CPD: variants seen among roughly 807,000 people sequenced by gnomAD.
CPD encodes carboxypeptidase D, also known as metallocarboxypeptidase D.
CPD carries 69 observed loss-of-function variants against 138.3 expected under a neutral mutation model. That is an observed-to-expected ratio of 0.50 (90% CI 0.41 to 0.61). The LOEUF (loss-of-function observed/expected upper bound fraction) is 0.61, where lower values mean the gene tolerates loss of function less well. Ranked by LOEUF, CPD falls within the 20% of genes least tolerant of loss-of-function variation. CPD has a pLI of 0.00. For synonymous variants in CPD, 651 were observed against 642.1 expected (o/e 1.01, Z -0.21); for missense variants, 1,432 against 1,733.3 (o/e 0.83, Z 3.09).
At chr17:30,437,809 T>C (rs1282595328) in intron 8 of CPD, among the ~76,000 whole-genome samples, 2 of 152,094 alleles carry the variant, frequency 1.3e-5, no homozygotes, top group African/African-American at 4.8e-5. Flanking sequence ...ATAATTGGCA[T>C]ATTAAGTTTC....
At chr17:30,433,327 C>T (rs150931517) in intron 8 of CPD, among the ~76,000 whole-genome samples, 33 of 152,318 alleles carry the variant, frequency 2.2e-4, no homozygotes, top group Middle Eastern at 3.4e-3. Flanking sequence ...ATTTTCTCAT[C>T]ACATTCTATG....
chr17:30,462,363 CT>C lies in CPD; in HGVS notation c.3817-5del. 6.2e-7 allele frequency: 1 copy of C among 1,608,312 alleles called. No individual in the cohort carries two copies. Among genetic ancestry groups the C allele is most frequent in the Non-Finnish European group, 8.5e-7 (1 of 1,175,202 alleles). On this transcript the variant is annotated splice_polypyrimidine_tract_variant and splice_region_variant and intron_variant, in intron 19 of 20. Transcript: ENST00000225719. ...TTTGTCATGATTCTTACACTTTCTC[CT>C]TCTAGGTCTTTGTGCATCATGATGC...
chr17:30,438,671 A>G (rs1912768431), intron 8 of CPD, among the ~76,000 whole-genome samples: 1 of 152,140 alleles, frequency 6.6e-6, no homozygotes, highest in Admixed American at 6.6e-5. Context: ...TTTTTTTTAG[A>G]GAGGGGTTCA....
At position 30,405,587 on chromosome 17, in the gene CPD, A is replaced by G. The variant is rs193091065; in HGVS notation, c.995-15254A>G. On this transcript the variant is annotated intron_variant, in intron 2 of 20. Coordinates refer to ENST00000225719, the MANE Select transcript of CPD (RefSeq NM_001304.5). ...CCCATTGGTTTTAAATACCTTGATCATATTCCAAATGCTTTTGTTTCAGTT... is the reference window on the plus strand; with the variant it reads ...CCCATTGGTTTTAAATACCTTGATCGTATTCCAAATGCTTTTGTTTCAGTT... Among the ~76,000 whole-genome samples the G allele has an allele frequency of 2.5e-3, 378 of 152,216 alleles. 2 individuals are homozygous for G. The highest frequency in any genetic ancestry group is 8.7e-3 in the African/African-American group (363 of 41,552).
chr17:30,405,503 T>C (rs1911780339), intron 2 of CPD, among the ~76,000 whole-genome samples: 1 of 152,200 alleles, frequency 6.6e-6, no homozygotes, highest in South Asian at 2.1e-4. Context: ...CAGTATTTTT[T>C]GCCACCTAGT....
At chr17:30,447,674 T>G (rs1321825615) in intron 12 of CPD, 1 of 152,180 alleles carries the variant, frequency 6.6e-6, no homozygotes, top group Non-Finnish European at 1.5e-5. Flanking sequence ...GTTGCTGTCC[T>G]AATTCTAGTC....
At chr17:30,428,001 GAACTTGGTAACATAT>G (rs1189169404) in intron 7 of CPD, among the ~76,000 whole-genome samples, 3 of 151,198 alleles carry the variant, frequency 2.0e-5, no homozygotes, top group Admixed American at 6.6e-5. Context: ...CTCACATTGG[GAACTTGGTAACATAT>G]TCTTTGTCAT....
chr17:30,410,950 C>CATGA (rs141168305), intron 2 of CPD, among the ~76,000 whole-genome samples: 74,175 of 151,558 alleles, frequency 0.49, 18,586 homozygotes, highest in East Asian at 0.83. Flanking sequence ...TTCTTCACAG[C>CATGA]ATGAATGGTC....
intron 2 of CPD, among the ~76,000 whole-genome samples, chr17:30,389,495 G>GT (rs1309153960): frequency 6.6e-6 from 1 of 152,162 alleles, no homozygotes; most frequent in Non-Finnish European, 1.5e-5. Context: ...ATCTAGTCAA[G>GT]TTGCTTCATT....
chr17:30,379,122 G>T lies in CPD; in HGVS notation c.142G>T (p.Ala48Ser). 1.9e-6 allele frequency: 3 copies of T among 1,538,558 alleles called. No individual in the cohort carries two copies. The highest frequency in any genetic ancestry group is 2.6e-6 in the Non-Finnish European group (3 of 1,146,422). Reference protein sequence around the residue: ...EATTTTTSAGAEAAEGQFDRY... With the variant: ...EATTTTTSAGSEAAEGQFDRY... ...GACTACCACAACTACGAGCGCGGGC[G>T]CCGAGGCGGCCGAGGGCCAGTTCGA... is the stretch of plus-strand genomic sequence containing the variant. The change falls in exon 1 of 21, where the codon GCC (alanine) becomes TCC (serine). Residue 48 changes from alanine (A) to serine (S), a missense_variant. Around this residue, in one of 6 missense-constraint regions of CPD, gnomAD observed 484 missense variants for 477.2 expected, o/e 1.01. Transcript: ENST00000225719. The surrounding 1 kb of genome is among the most constrained non-coding windows in gnomAD (Gnocchi z 7.0).
rs1913638665 is a variant in CPD, at chr17:30,466,397, A to G, written c.*1583A>G. 1 of 152,562 alleles carries G rather than the reference A, an allele frequency of 6.6e-6. No individual in the cohort carries two copies. Among genetic ancestry groups the G allele is most frequent in the African/African-American group, 2.4e-5 (1 of 41,442 alleles). 9.5% of individuals were successfully genotyped at this position (152,562 alleles called of 1,614,324 possible). ...GGAATGCATTCAAAGTGGCTTTATA[A>G]AAGAAGATTTTCTTTAGCAAGAATA... On this transcript the variant is annotated 3_prime_UTR_variant, in exon 21 of 21. Transcript: ENST00000225719.
chr17:30,462,684 C>T (rs778582516), intron 20 of CPD, among the ~76,000 whole-genome samples: 12 of 152,112 alleles, frequency 7.9e-5, no homozygotes, highest in Non-Finnish European at 1.6e-4. Flanking sequence ...GAGACCCTAA[C>T]CCAGCGGTGC....
At chr17:30,446,520 G>A (rs1301226619) in intron 12 of CPD, among the ~76,000 whole-genome samples, 3 of 152,082 alleles carry the variant, frequency 2.0e-5, no homozygotes, top group Non-Finnish European at 4.4e-5. Flanking sequence ...ATTTTTTATG[G>A]TTGCATAGTA....
In CPD at chr17:30,464,994, G is replaced by C; in HGVS notation, c.*180G>C. 1.7e-6 allele frequency: 1 copy of C among 591,488 alleles called. No homozygotes were observed. Among genetic ancestry groups the C allele is most frequent in the Non-Finnish European group, 3.0e-6 (1 of 335,824 alleles). The allele number at this position is 591,488 out of a possible 1,614,324, so 36.6% of individuals were successfully genotyped here. On this transcript the variant is annotated 3_prime_UTR_variant, in exon 21 of 21. Coordinates refer to ENST00000225719, the MANE Select transcript of CPD (RefSeq NM_001304.5). ...CAGTTTTGAACTTCCCTTCCTTAAA[G>C]TACTCTAAACCTTTAAAAAAAAATC...
chr17:30,427,612 C>A, intron 7 of CPD, 54 bp downstream of exon 7: 2 of 1,512,862 alleles, frequency 1.3e-6, no homozygotes, highest in Admixed American at 3.5e-5. Context: ...ATTTGGAAAT[C>A]CTGGTGGAAT....
Position 30,450,074 on chromosome 17 carries a change from TG to T in CPD, c.3069+327del, listed in dbSNP as rs1302092707. ...GTTCTTTACTTTTTTTTTTTTTTTT[TG>T]AGACAGAGTCCTGCTCTATCACCCA... On this transcript the variant is annotated intron_variant, in intron 13 of 20. Coordinates refer to ENST00000225719, the MANE Select transcript of CPD (RefSeq NM_001304.5). 2.4e-3 allele frequency among the ~76,000 whole-genome samples: 355 copies of T among 150,630 alleles called. 2 individuals are homozygous for T. The highest frequency in any genetic ancestry group is 8.4e-3 in the African/African-American group (342 of 40,852).
intron 1 of CPD, among the ~76,000 whole-genome samples, chr17:30,381,221 C>T (rs1420267407): frequency 1.3e-5 from 2 of 152,120 alleles, no homozygotes; most frequent in Non-Finnish European, 2.9e-5. Flanking sequence ...TTGACATACA[C>T]TTATTGACAG....
chr17:30,404,845 A>G (rs1911765395), intron 2 of CPD, among the ~76,000 whole-genome samples: 1 of 152,070 alleles, frequency 6.6e-6, no homozygotes, highest in Non-Finnish European at 1.5e-5. Flanking sequence ...TCTTTTAGGT[A>G]GTTAAATCTA....
chr17:30,389,654 G>A (rs1425508588), intron 2 of CPD, among the ~76,000 whole-genome samples: 3 of 152,092 alleles, frequency 2.0e-5, no homozygotes, highest in Non-Finnish European at 4.4e-5. Flanking sequence ...ATAAATATCC[G>A]GCCTCTACAA....
Sources: gnomAD v4.1 joint callset for allele counts (sites outside exome capture counted in the v4.1 genomes callset) on GRCh38, gnomAD v4.1.1 for gene constraint, gnomAD v4.1.1 regional missense constraint, Gnocchi (gnomAD v3.1) non-coding constraint, MANE v1.5 for transcripts, NCBI Gene and HGNC (gene_info 2026-07-23, HGNC 2026-07-21) for gene names.